CLTC: variants seen among roughly 807,000 people sequenced by gnomAD.
CLTC encodes the protein clathrin heavy chain, also known as clathrin heavy chain 1.
CLTC carries 16 observed loss-of-function variants against 195.8 expected under a neutral mutation model. The ratio of observed to expected loss-of-function variants is 0.08; its 90% confidence interval spans 0.06 to 0.12. The LOEUF is 0.12. Ranked by LOEUF, CLTC falls within the 10% of genes least tolerant of loss-of-function variation. CLTC has a pLI of 1.00. For missense variants in CLTC, 796 were observed against 2,027.0 expected (o/e 0.39, Z 11.66); for synonymous variants, 667 against 689.4 (o/e 0.97, Z 0.51).
chr17:59,625,387 A>C (rs1174017435), intron 1 of CLTC, among the ~76,000 whole-genome samples: 5 of 152,052 alleles, frequency 3.3e-5, no homozygotes, highest in Non-Finnish European at 7.4e-5. Flanking sequence ...GGCCTCCCGA[A>C]GTGTTAGGAT....
intron 1 of CLTC, among the ~76,000 whole-genome samples, chr17:59,642,513 G>A (rs1377650301): frequency 7.2e-5 from 11 of 151,922 alleles, no homozygotes; most frequent in Admixed American, 7.2e-4. Flanking sequence ...TCCAATTATC[G>A]GAAAGGATAA....
intron 1 of CLTC, among the ~76,000 whole-genome samples, chr17:59,620,635 T>C (rs2143422717): frequency 8.1e-6 from 1 of 123,624 alleles, no homozygotes; most frequent in East Asian, 2.8e-4. Flanking sequence ...GGCGGGTGGG[T>C]TGGGGAGGAG....
chr17:59,660,791 C>T (rs913059522), intron 7 of CLTC, among the ~76,000 whole-genome samples: 1 of 152,046 alleles, frequency 6.6e-6, no homozygotes, highest in African/African-American at 2.4e-5. Context: ...TTTTTAAAAC[C>T]CAGATTGTTA....
intron 5 of CLTC, among the ~76,000 whole-genome samples, chr17:59,655,109 T>C (rs917353504): frequency 2.6e-5 from 4 of 152,258 alleles, no homozygotes; most frequent in Non-Finnish European, 5.9e-5. Flanking sequence ...AGGCCCACCA[T>C]TCAGCCTATC....
At chr17:59,646,725 C>T (rs1043032305) in intron 2 of CLTC, among the ~76,000 whole-genome samples, 1 of 152,166 alleles carries the variant, frequency 6.6e-6, no homozygotes, top group Non-Finnish European at 1.5e-5. Flanking sequence ...TGCTTGCTTT[C>T]TTAATTGGAT....
In CLTC at chr17:59,695,073, CTGTTA is replaced by C. The variant is rs1207333579; in HGVS notation, c.*1223_*1227del. The C allele has an allele frequency of 4.8e-6, 1 of 207,064 alleles. No homozygotes were observed. Among genetic ancestry groups the C allele is most frequent in the Non-Finnish European group, 9.9e-6 (1 of 101,434 alleles). The allele number at this position is 207,064 out of a possible 1,614,324, so 12.8% of individuals were successfully genotyped here. On this transcript the variant is annotated 3_prime_UTR_variant, in exon 32 of 32. Coordinates refer to ENST00000269122, the MANE Select transcript of CLTC (RefSeq NM_004859.4). ...TTTCACTTAAATGAACAAATCATGG[CTGTTA>C]TATTAACTTGAAATAAAATATATTT...
At chr17:59,668,986 G>A in intron 14 of CLTC, 46 bp downstream of exon 14, 1 of 1,552,784 alleles carries the variant, frequency 6.4e-7, no homozygotes, top group Non-Finnish European at 8.7e-7. Flanking sequence ...TTCCAGGTTA[G>A]CAGTTCTACA....
At chr17:59,645,680 C>G (rs2032173094) in intron 2 of CLTC, among the ~76,000 whole-genome samples, 1 of 152,034 alleles carries the variant, frequency 6.6e-6, no homozygotes, top group Non-Finnish European at 1.5e-5. Flanking sequence ...AGTAATAATA[C>G]TAGTTGGAGA....
chr17:59,648,887 G>A lies in CLTC; in HGVS notation c.681+486G>A, dbSNP rs1041823695. ...AATTTTGTATTTTTGTAGAGACAGG[G>A]TCTCACTATACTGCCCAGGCTGGTC... On this transcript the variant is annotated intron_variant, in intron 4 of 31. Coordinates refer to ENST00000269122, the MANE Select transcript of CLTC (RefSeq NM_004859.4). This position sits in a 1 kb window ranked among gnomAD's most constrained non-coding sequence, Gnocchi z 4.5. 6.6e-6 allele frequency among the ~76,000 whole-genome samples: 1 copy of A among 152,084 alleles called. No homozygotes were observed. Among genetic ancestry groups the A allele is most frequent in the African/African-American group, 2.4e-5 (1 of 41,406 alleles).
Position 59,674,242 on chromosome 17 carries a change from A to G in CLTC, c.2419-459A>G, listed in dbSNP as rs1037064952. Among the ~76,000 whole-genome samples the G allele has an allele frequency of 5.9e-5, 9 of 152,332 alleles. No individual in the cohort carries two copies. In the East Asian group the frequency reaches 9.6e-4, roughly 16 times the overall value. On this transcript the variant is annotated intron_variant, in intron 15 of 31. Coordinates refer to ENST00000269122, the MANE Select transcript of CLTC (RefSeq NM_004859.4). The stretch of plus-strand genomic sequence containing the variant: ...TGGCCTAGGGCCTTACTAACTTGAT[A>G]GACCCTGAGGTATCCATGTAGACTC...
At chr17:59,671,015 A>G (rs945906710) in intron 14 of CLTC, 2 of 152,214 alleles carry the variant, frequency 1.3e-5, no homozygotes, top group African/African-American at 4.8e-5. Context: ...TTCTTCAACC[A>G]TAAGCTATGT....
chr17:59,666,123 A>G lies in CLTC; in HGVS notation c.1665A>G (p.Glu555=). 1 of 1,609,314 alleles carries G rather than the reference A, an allele frequency of 6.2e-7. No homozygotes were observed. Among genetic ancestry groups the G allele is most frequent in the Non-Finnish European group, 8.5e-7 (1 of 1,175,950 alleles). ...DITQIVDVFM[E]YNLIQQCTAF... is the part of the protein sequence containing the mutation. Reference sequence around the variant, plus strand: ...TGTAGATTGTAGATGTCTTTATGGAATACAATCTAATTCAGCAGTGTACTG... The same window carrying G: ...TGTAGATTGTAGATGTCTTTATGGAGTACAATCTAATTCAGCAGTGTACTG... Residue 555 remains glutamate, a synonymous_variant, in exon 11 of 32, where the codon GAA becomes GAG. Coordinates refer to ENST00000269122, the MANE Select transcript of CLTC (RefSeq NM_004859.4). The surrounding 1 kb of genome is among the most constrained non-coding windows in gnomAD (Gnocchi z 4.9).
chr17:59,685,471 G>C lies in CLTC; in HGVS notation c.4606-116G>C. ...TTAATTTAAATGATACAACTAGGAG[G>C]CTTTTTTCCCCTTGCAAAACCAGAT... On this transcript the variant is annotated intron_variant, in intron 29 of 31. Coordinates refer to ENST00000269122, the MANE Select transcript of CLTC (RefSeq NM_004859.4). The surrounding 1 kb of genome is among the most constrained non-coding windows in gnomAD (Gnocchi z 5.0). 4.1e-6 allele frequency: 4 copies of C among 964,592 alleles called. No homozygotes were observed. The highest frequency in any genetic ancestry group is 6.1e-6 in the Non-Finnish European group (4 of 656,482). The allele number at this position is 964,592 out of a possible 1,614,324, so 59.8% of individuals were successfully genotyped here.
intron 5 of CLTC, among the ~76,000 whole-genome samples, 185 bp downstream of exon 5, chr17:59,651,501 T>C (rs989376224): frequency 2.0e-5 from 3 of 152,212 alleles, no homozygotes; most frequent in South Asian, 2.1e-4. Flanking sequence ...AGGCCTATTA[T>C]GAGGTTTGGC....
chr17:59,627,883 A>G (rs1400131831), intron 1 of CLTC, among the ~76,000 whole-genome samples: 1 of 152,290 alleles, frequency 6.6e-6, no homozygotes, highest in African/African-American at 2.4e-5. Context: ...TCTGCTTTCT[A>G]TTTTACTGTA....
At position 59,620,106 on chromosome 17, in the gene CLTC, A is replaced by G; in HGVS notation, c.-26A>G. The G allele has an allele frequency of 6.2e-7, 1 of 1,613,670 alleles. No individual in the cohort carries two copies. The highest frequency in any genetic ancestry group is 1.1e-5 in the South Asian group (1 of 91,068). ...ACTGCCCCGCAGCCCCAGTGACAGG[A>G]GGAGACCATAACCCCCGACAGCGCC... On this transcript the variant is annotated 5_prime_UTR_variant, in exon 1 of 32. Transcript: ENST00000269122.
chr17:59,666,268 G>GT lies in CLTC; in HGVS notation c.1782+31dup. The GT allele has an allele frequency of 6.2e-7, 1 of 1,607,064 alleles. No homozygotes were observed. The highest frequency in any genetic ancestry group is 1.1e-5 in the South Asian group (1 of 90,876). ...ATGTGTTTTAATGCTTTTTAGGCAT[G>GT]TTTCCAACATTGTTTTAGTAATTGT... On this transcript the variant is annotated intron_variant, in intron 11 of 31. Coordinates refer to ENST00000269122, the MANE Select transcript of CLTC (RefSeq NM_004859.4). The surrounding 1 kb of genome is among the most constrained non-coding windows in gnomAD (Gnocchi z 4.9).
intron 18 of CLTC, among the ~76,000 whole-genome samples, chr17:59,680,293 T>C (rs185758429): frequency 2.0e-5 from 3 of 152,248 alleles, no homozygotes; most frequent in Admixed American, 2.0e-4. Flanking sequence ...ATAAGAAGTA[T>C]AGAACTGCAA....
At chr17:59,677,732 T>C (rs1226275294) in intron 17 of CLTC, among the ~76,000 whole-genome samples, 1 of 152,218 alleles carries the variant, frequency 6.6e-6, no homozygotes, top group Non-Finnish European at 1.5e-5. Flanking sequence ...TTTCATGTCT[T>C]TAGTCTCCTG....
Sources: gnomAD v4.1 joint callset for allele counts (sites outside exome capture counted in the v4.1 genomes callset) on GRCh38, gnomAD v4.1.1 for gene constraint, Gnocchi (gnomAD v3.1) non-coding constraint, MANE v1.5 for transcripts, NCBI Gene and HGNC (gene_info 2026-07-23, HGNC 2026-07-21) for gene names.